TSPAN9: variants seen among roughly 807,000 people sequenced by gnomAD.
TSPAN9 encodes tetraspanin 9.
A neutral mutation model predicts 31.0 loss-of-function variants in TSPAN9; 16 were observed. That is an observed-to-expected ratio of 0.52 (90% confidence interval 0.35 to 0.78). The LOEUF (loss-of-function observed/expected upper bound fraction) is 0.78. TSPAN9 is among the 30% of genes least tolerant of loss of function. The pLI, the probability that TSPAN9 is intolerant of heterozygous loss-of-function variation, is 0.01. For synonymous variants in TSPAN9, 145 were observed against 121.6 expected, an observed-to-expected ratio of 1.19 and a Z score of -1.27; for missense variants, 272 against 312.5, an observed-to-expected ratio of 0.87 and a Z score of 0.98.
At chr12:3,101,576 G>C (rs1285851810) in intron 2 of TSPAN9, among the ~76,000 whole-genome samples, 1 of 152,102 alleles carries the variant, frequency 6.6e-6, no homozygotes, top group African/African-American at 2.4e-5. Flanking sequence ...CCTTACTACT[G>C]TTTTATGAAA....
rs183050808 is a variant in TSPAN9 at position 3,167,455 on chromosome 12, C to T, written c.-17-33722C>T. Among the ~76,000 whole-genome samples the T allele has an allele frequency of 1.4e-4, 21 of 152,246 alleles. No homozygotes were observed. The East Asian group carries it at 3.9e-3, about 28-fold the overall frequency. On this transcript the variant is annotated intron_variant, in intron 2 of 8. Coordinates refer to ENST00000011898, the MANE Select transcript of TSPAN9 (RefSeq NM_006675.5). ...ATCAGCTTAGGAAAAAACTGTGAGC[C>T]CCTGGAGATTGGGCTTATCTCTTGT...
At chr12:3,231,619 G>T (rs1175090483) in intron 3 of TSPAN9, among the ~76,000 whole-genome samples, 1 of 152,226 alleles carries the variant, frequency 6.6e-6, no homozygotes, top group African/African-American at 2.4e-5. Context: ...GGCGGGGTGG[G>T]TGGAAATTCA....
Position 3,107,207 on chromosome 12 carries a change from C to T in TSPAN9, c.-18+23488C>T, listed in dbSNP as rs1164324563. Among the ~76,000 whole-genome samples, 4 of 152,172 alleles carry T rather than the reference C, an allele frequency of 2.6e-5. No individual in the cohort carries two copies. Among genetic ancestry groups the T allele is most frequent in the Admixed American group, 2.0e-4 (3 of 15,274 alleles). ...CCGTGGGGAGTGGGGGAGGGAGGCTCTATCTAGAAAGCTGCCTCCATAAAT... is the reference window on the plus strand; with the variant it reads ...CCGTGGGGAGTGGGGGAGGGAGGCTTTATCTAGAAAGCTGCCTCCATAAAT... On this transcript the variant is annotated intron_variant, in intron 2 of 8. Coordinates refer to ENST00000011898, the MANE Select transcript of TSPAN9 (RefSeq NM_006675.5). This position sits in a 1 kb window ranked among gnomAD's most constrained non-coding sequence, Gnocchi z 4.1.
chr12:3,106,699 A>G (rs1317782167), intron 2 of TSPAN9, among the ~76,000 whole-genome samples: 2 of 152,196 alleles, frequency 1.3e-5, no homozygotes, highest in Non-Finnish European at 2.9e-5. Flanking sequence ...TGAGCCCAGG[A>G]GTTCGAGTCT....
rs2153967978 is a variant in TSPAN9 at position 3,143,904 on chromosome 12, A to AC, written c.-17-57271dup. On this transcript the variant is annotated intron_variant, in intron 2 of 8. Transcript: ENST00000011898. This position sits in a 1 kb window ranked among gnomAD's most constrained non-coding sequence, Gnocchi z 4.2. ...TTTTGCTGGAGCATGGTGTTTAGAAACCAAGATCTAGGTGCTAGGTGCGTT... is the reference window on the plus strand; with the variant it reads ...TTTTGCTGGAGCATGGTGTTTAGAAACCCAAGATCTAGGTGCTAGGTGCGTT... Among the ~76,000 whole-genome samples, 1 of 152,096 alleles carries AC rather than the reference A, an allele frequency of 6.6e-6. No homozygotes were observed. The highest frequency in any genetic ancestry group is 1.9e-4 in the East Asian group (1 of 5,198).
rs568885487 is a variant in TSPAN9 at position 3,089,546 on chromosome 12, T to C, written c.-18+5827T>C. On this transcript the variant is annotated intron_variant, in intron 2 of 8. Coordinates refer to ENST00000011898, the MANE Select transcript of TSPAN9 (RefSeq NM_006675.5). Reference sequence around the variant, plus strand: ...TCCTGACCTCGTGATCCGCCCTCCTTGGCCTCCCAAAGTGCTGGGATTACA... The same window carrying C: ...TCCTGACCTCGTGATCCGCCCTCCTCGGCCTCCCAAAGTGCTGGGATTACA... Among the ~76,000 whole-genome samples the C allele has an allele frequency of 2.0e-3, 303 of 152,014 alleles. 2 individuals carry two copies. The highest frequency in any genetic ancestry group is 8.1e-3 in the East Asian group (41 of 5,092).
chr12:3,176,381 C>G (rs755344187), intron 2 of TSPAN9, among the ~76,000 whole-genome samples: 9 of 152,180 alleles, frequency 5.9e-5, no homozygotes, highest in Non-Finnish European at 1.0e-4. Flanking sequence ...ACAGAATGTG[C>G]GAAGGCATGA....
At chr12:3,253,494 A>C (rs11062593) in intron 3 of TSPAN9, among the ~76,000 whole-genome samples, 10,232 of 152,184 alleles carry the variant, frequency 0.067, 884 homozygotes, top group East Asian at 0.36. Context: ...GGATGCAGTG[A>C]GATAGTTGGT....
At chr12:3,159,144 T>G (rs1483913887) in intron 2 of TSPAN9, among the ~76,000 whole-genome samples, 1 of 151,894 alleles carries the variant, frequency 6.6e-6, no homozygotes, top group South Asian at 2.1e-4. Flanking sequence ...CTCTTACTTT[T>G]CCCATTATTG....
At chr12:3,104,854 G>C (rs1465578529) in intron 2 of TSPAN9, among the ~76,000 whole-genome samples, 1 of 152,220 alleles carries the variant, frequency 6.6e-6, no homozygotes, top group Non-Finnish European at 1.5e-5. Context: ...GGTTCCAAAG[G>C]TTGTGCCCTG....
At chr12:3,224,751 G>T (rs1266326982) in intron 3 of TSPAN9, among the ~76,000 whole-genome samples, 3 of 152,232 alleles carry the variant, frequency 2.0e-5, no homozygotes, top group Admixed American at 1.3e-4. Context: ...CAGCTGTCGG[G>T]TCTGGTTTGA....
At chr12:3,279,746 A>G (rs1294823655) in intron 5 of TSPAN9, among the ~76,000 whole-genome samples, 1 of 152,248 alleles carries the variant, frequency 6.6e-6, no homozygotes, top group Non-Finnish European at 1.5e-5. Context: ...AGTTAGAGAC[A>G]TCGTTAGGAT....
intron 2 of TSPAN9, among the ~76,000 whole-genome samples, chr12:3,097,900 C>A (rs1372986766): frequency 1.3e-5 from 2 of 152,244 alleles, no homozygotes; most frequent in African/African-American, 4.8e-5. Context: ...AAGCCCCTTT[C>A]ACTCAGTGCA....
At chr12:3,158,368 A>G (rs114104136) in intron 2 of TSPAN9, among the ~76,000 whole-genome samples, 2,395 of 152,272 alleles carry the variant, frequency 0.016, 53 homozygotes, top group African/African-American at 0.055. Flanking sequence ...TTCCATGTAT[A>G]GTGTGCAAGG....
chr12:3,111,860 C>T (rs1319802403), intron 2 of TSPAN9, among the ~76,000 whole-genome samples: 1 of 152,150 alleles, frequency 6.6e-6, no homozygotes, highest in Non-Finnish European at 1.5e-5. Flanking sequence ...GATCCACCCG[C>T]CTTGGCCTCC....
At chr12:3,219,035 A>G (rs2098382864) in intron 3 of TSPAN9, among the ~76,000 whole-genome samples, 1 of 152,186 alleles carries the variant, frequency 6.6e-6, no homozygotes, top group African/African-American at 2.4e-5. Flanking sequence ...GTTGTTGTGA[A>G]GTGAAGGCCC....
chr12:3,175,621 T>TG (rs77202038), intron 2 of TSPAN9, among the ~76,000 whole-genome samples: 6 of 152,088 alleles, frequency 3.9e-5, no homozygotes, highest in East Asian at 1.9e-4. Context: ...TGGAGGCCTC[T>TG]AAGTGAGCAG....
chr12:3,156,346 C>G (rs1438675148), intron 2 of TSPAN9, among the ~76,000 whole-genome samples: 1 of 152,096 alleles, frequency 6.6e-6, no homozygotes, highest in Non-Finnish European at 1.5e-5. Flanking sequence ...TCCATGTAGC[C>G]CCCTCCAGGA....
At chr12:3,104,340 GT>G (rs57135855) in intron 2 of TSPAN9, among the ~76,000 whole-genome samples, 22,737 of 146,176 alleles carry the variant, frequency 0.16, 2,079 homozygotes, top group East Asian at 0.36. Flanking sequence ...ACTAATAACT[GT>G]TTTTTTTTTT....
Sources: gnomAD v4.1 joint callset for allele counts (sites outside exome capture counted in the v4.1 genomes callset) on GRCh38, gnomAD v4.1.1 for gene constraint, Gnocchi (gnomAD v3.1) non-coding constraint, MANE v1.5 for transcripts, NCBI Gene and HGNC (gene_info 2026-07-23, HGNC 2026-07-21) for gene names.